NOX4: variants seen among roughly 807,000 people sequenced by gnomAD.
The protein encoded by NOX4 is NADPH oxidase 4, also known as kidney oxidase-1.
NOX4 carries 69 observed loss-of-function variants against 87.6 expected under a neutral mutation model. The observed-to-expected ratio is 0.79, with a 90% CI of 0.65 to 0.96. The LOEUF is 0.96. Ranked by LOEUF, NOX4 falls within the 40% of genes least tolerant of loss-of-function variation. The pLI is 0.00. For missense variants in NOX4, 680 were observed against 681.5 expected (o/e 1.00, Z 0.02); for synonymous variants, 275 against 238.2 (o/e 1.15, Z -1.42).
the NOX4 span, among the ~76,000 whole-genome samples, chr11:89,508,540 C>T: frequency 1.4e-4 from 21 of 152,154 alleles, no homozygotes; most frequent in African/African-American, 5.1e-4. Context: ...TGAGATAGAA[C>T]ATAATCATGT....
At chr11:89,471,713 C>CT (rs764595725) in intron 2 of NOX4, among the ~76,000 whole-genome samples, 37 of 152,026 alleles carry the variant, frequency 2.4e-4, no homozygotes, top group Non-Finnish European at 4.7e-4. Context: ...GATTACCTAA[C>CT]TTTTTTGATT....
At chr11:89,410,146 C>T (rs1379039630) in intron 8 of NOX4, among the ~76,000 whole-genome samples, 3 of 152,154 alleles carry the variant, frequency 2.0e-5, no homozygotes, top group Admixed American at 1.3e-4. Flanking sequence ...AGACCCCGAA[C>T]AAAAATGTGC....
At chr11:89,464,616 T>C (rs573314528) in intron 2 of NOX4, among the ~76,000 whole-genome samples, 4 of 152,286 alleles carry the variant, frequency 2.6e-5, no homozygotes, top group Non-Finnish European at 4.4e-5. Context: ...GTCCAGTCCA[T>C]TCTATGTGAA....
chr11:89,397,229 A>G (rs1941554224), intron 11 of NOX4, among the ~76,000 whole-genome samples: 1 of 152,186 alleles, frequency 6.6e-6, no homozygotes, highest in African/African-American at 2.4e-5. Flanking sequence ...CTGGGTAAAT[A>G]ATGAAATGAA....
chr11:89,457,320 C>T (rs1003994765), intron 2 of NOX4, among the ~76,000 whole-genome samples: 11 of 152,272 alleles, frequency 7.2e-5, no homozygotes, highest in African/African-American at 9.6e-5. Flanking sequence ...TGTACATGGA[C>T]GCTGGCAACT....
chr11:89,388,705 A>G (rs563356961), intron 11 of NOX4, among the ~76,000 whole-genome samples: 1 of 152,262 alleles, frequency 6.6e-6, no homozygotes, highest in South Asian at 2.1e-4. Context: ...CAAATAAGTC[A>G]TCAGTTCCCC....
chr11:89,458,459 A>C (rs1367297701), intron 2 of NOX4, among the ~76,000 whole-genome samples: 3 of 152,200 alleles, frequency 2.0e-5, no homozygotes, highest in Non-Finnish European at 4.4e-5. Flanking sequence ...AAAATGGACA[A>C]ATAAGATCTA....
chr11:89,387,379 G>A (rs951372057), intron 11 of NOX4, among the ~76,000 whole-genome samples: 1 of 151,890 alleles, frequency 6.6e-6, no homozygotes, highest in Non-Finnish European at 1.5e-5. Flanking sequence ...GCCCGCCAGA[G>A]AACAACCACC....
intron 17 of NOX4, among the ~76,000 whole-genome samples, chr11:89,330,642 A>G (rs75848216): frequency 6.6e-6 from 1 of 151,498 alleles, no homozygotes; most frequent in Non-Finnish European, 1.5e-5. Context: ...AAAAAAAAAA[A>G]ATACAGAGGC....
intron 8 of NOX4, among the ~76,000 whole-genome samples, chr11:89,407,005 G>A (rs527283827): frequency 6.6e-6 from 1 of 152,030 alleles, no homozygotes; most frequent in African/African-American, 2.4e-5. Flanking sequence ...TATGCACAAA[G>A]GTACTTGGTT....
chr11:89,503,157 G>A (rs1947039902), upstream of NOX4, among the ~76,000 whole-genome samples: 1 of 151,924 alleles, frequency 6.6e-6, no homozygotes, highest in Non-Finnish European at 1.5e-5. Flanking sequence ...AGCAAAATAT[G>A]TTAAAATTCC....
At chr11:89,453,030 C>T (rs565339) in intron 2 of NOX4, among the ~76,000 whole-genome samples, 5,758 of 125,106 alleles carry the variant, frequency 0.046, 381 homozygotes, top group African/African-American at 0.15. Flanking sequence ...GGTGAAAGGG[C>T]GAGACTCTGT....
intron 13 of NOX4, among the ~76,000 whole-genome samples, chr11:89,348,796 C>A (rs776535495): frequency 2.6e-5 from 4 of 151,948 alleles, no homozygotes; most frequent in African/African-American, 7.2e-5. Context: ...AGGGGCCAAA[C>A]AAATCTGGAT....
At chr11:89,531,216 A>G in the NOX4 span, among the ~76,000 whole-genome samples, 1 of 152,198 alleles carries the variant, frequency 6.6e-6, no homozygotes, top group Non-Finnish European at 1.5e-5. Flanking sequence ...TTTCTTATAA[A>G]GATCAACATA....
intron 3 of NOX4, among the ~76,000 whole-genome samples, chr11:89,450,558 A>G (rs2135385446): frequency 6.6e-6 from 1 of 152,190 alleles, no homozygotes; most frequent in Non-Finnish European, 1.5e-5. Flanking sequence ...CATATAATAC[A>G]TGACATCACT....
intron 11 of NOX4, among the ~76,000 whole-genome samples, chr11:89,377,136 T>A (rs992871205): frequency 2.0e-5 from 3 of 152,200 alleles, no homozygotes; most frequent in Non-Finnish European, 4.4e-5. Context: ...GAGATTTATA[T>A]AATCAAATTT....
intron 8 of NOX4, among the ~76,000 whole-genome samples, chr11:89,419,776 C>T (rs1331097227): frequency 2.6e-5 from 4 of 151,856 alleles, no homozygotes; most frequent in Non-Finnish European, 4.4e-5. Flanking sequence ...AAGTAAAGAA[C>T]TCTCAATGTA....
the NOX4 span, among the ~76,000 whole-genome samples, chr11:89,534,327 A>G: frequency 2.0e-5 from 3 of 152,236 alleles, no homozygotes; most frequent in Non-Finnish European, 4.4e-5. Flanking sequence ...GTTGTATGCC[A>G]AGGATAAACC....
rs1327329804 is a variant in NOX4 at position 89,491,305 on chromosome 11, G to A, written c.-59C>T. The A allele has an allele frequency of 2.6e-6, 4 of 1,517,084 alleles. No individual in the cohort carries two copies. The Admixed American group carries it at 5.7e-5, about 22-fold the overall frequency. 94.0% of individuals were successfully genotyped at this position (1,517,084 alleles called of 1,614,324 possible). A position where few individuals can be genotyped will look rare whatever the true frequency, so the allele number is the denominator to read the frequency against. ...GCCGGACCGAGAAGGAGCGGGCGGC[G>A]GCCGGGGCAGCGGTTACAGTTGTGC... On this transcript the variant is annotated 5_prime_UTR_variant, in exon 1 of 18. Transcript: ENST00000263317.
Sources: allele counts gnomAD v4.1 joint callset (sites outside exome capture counted in the v4.1 genomes callset), GRCh38; gene constraint gnomAD v4.1.1; transcripts MANE v1.5; gene names NCBI Gene and HGNC (gene_info 2026-07-23, HGNC 2026-07-21).